RNF216: variants seen among roughly 807,000 people sequenced by gnomAD.
The protein encoded by RNF216 is E3 ubiquitin-protein ligase RNF216.
In RNF216, 72 loss-of-function variants were observed where a neutral mutation model predicts 110.8. The observed-to-expected ratio is 0.65, with a 90% CI of 0.54 to 0.79. RNF216 has a LOEUF of 0.79. RNF216 is among the 30% of genes least tolerant of loss of function. RNF216 has a pLI of 0.00. For synonymous variants in RNF216, 495 were observed against 407.5 expected, an observed-to-expected ratio of 1.21 and a Z score of -2.59; for missense variants, 1,342 against 1,141.2, an observed-to-expected ratio of 1.18 and a Z score of -2.54.
chr7:5,655,470 T>C (rs955477489), intron 13 of RNF216, among the ~76,000 whole-genome samples: 4 of 152,032 alleles, frequency 2.6e-5, no homozygotes, highest in Admixed American at 2.0e-4. Flanking sequence ...TGGTGGCAAA[T>C]GCCTGTAATC....
chr7:5,672,774 T>C (rs1450928094), intron 13 of RNF216, among the ~76,000 whole-genome samples: 1 of 151,754 alleles, frequency 6.6e-6, no homozygotes, highest in Non-Finnish European at 1.5e-5. Context: ...AGGTAGAGGA[T>C]GGATATGAGG....
At chr7:5,735,367 G>T (rs190244259) in intron 5 of RNF216, among the ~76,000 whole-genome samples, 3 of 152,164 alleles carry the variant, frequency 2.0e-5, no homozygotes, top group East Asian at 3.9e-4. Flanking sequence ...AGGAAGAACA[G>T]AATATGATTC....
Position 5,738,208 on chromosome 7 carries a change from G to A in RNF216, c.1121+1068C>T, listed in dbSNP as rs143368414. Among the ~76,000 whole-genome samples the A allele has an allele frequency of 2.4e-3, 364 of 150,046 alleles. 1 individual carries two copies. The highest frequency in any genetic ancestry group is 7.5e-3 in the African/African-American group (303 of 40,226). On this transcript the variant is annotated intron_variant, in intron 5 of 16. Transcript: ENST00000389902. ...TCAGGAAAACTTATTTTTTAAAAAA[G>A]CATATTTACCACTTATAAAAAATTT... is the stretch of plus-strand genomic sequence containing the variant.
intron 13 of RNF216, among the ~76,000 whole-genome samples, chr7:5,673,530 G>A (rs1204921264): frequency 6.6e-6 from 1 of 152,240 alleles, no homozygotes; most frequent in Non-Finnish European, 1.5e-5. Flanking sequence ...CCTGTCACGT[G>A]GGGCAGTATG....
At chr7:5,648,446 C>T (rs1269406217) in intron 14 of RNF216, among the ~76,000 whole-genome samples, 1 of 151,190 alleles carries the variant, frequency 6.6e-6, no homozygotes, top group African/African-American at 2.4e-5. Context: ...AAGGGACAGG[C>T]CAGGCACGGT....
At chr7:5,626,670 T>TA (rs71547783) in intron 15 of RNF216, among the ~76,000 whole-genome samples, 7,311 of 140,944 alleles carry the variant, frequency 0.052, 251 homozygotes, top group Non-Finnish European at 0.068. Context: ...AAACTTGTGT[T>TA]AAAAAAAAAA....
chr7:5,646,397 A>G (rs1788050486), intron 14 of RNF216, among the ~76,000 whole-genome samples: 1 of 151,814 alleles, frequency 6.6e-6, no homozygotes, highest in African/African-American at 2.4e-5. Context: ...ACAAAACAAA[A>G]GGAAAAAAAA....
intron 13 of RNF216, among the ~76,000 whole-genome samples, chr7:5,708,986 C>A (rs1320291592): frequency 2.6e-5 from 4 of 152,176 alleles, no homozygotes; most frequent in Admixed American, 6.5e-5. Flanking sequence ...CTCAGCAGCC[C>A]CCAGGGACCT....
intron 13 of RNF216, among the ~76,000 whole-genome samples, chr7:5,678,840 G>A (rs187864084): frequency 6.6e-6 from 1 of 152,216 alleles, no homozygotes; most frequent in Admixed American, 6.5e-5. Context: ...GAGCTGGACT[G>A]GATAAATTAA....
At chr7:5,677,194 A>T (rs1790352960) in intron 13 of RNF216, among the ~76,000 whole-genome samples, 1 of 152,256 alleles carries the variant, frequency 6.6e-6, no homozygotes, top group African/African-American at 2.4e-5. Context: ...ATTTTAGAGC[A>T]AACACATGTG....
intron 1 of RNF216, chr7:5,777,552 C>G (rs2128686548): frequency 6.6e-6 from 1 of 152,284 alleles, no homozygotes; most frequent in African/African-American, 2.4e-5. Context: ...CTGTGTATGT[C>G]ACTGGCCATC....
chr7:5,659,265 T>A (rs1788947175), intron 13 of RNF216, among the ~76,000 whole-genome samples: 1 of 152,210 alleles, frequency 6.6e-6, no homozygotes, highest in Non-Finnish European at 1.5e-5. Flanking sequence ...AATAAACAAG[T>A]TAGGCTCAGT....
At chr7:5,732,715 C>A (rs1584532055) in intron 5 of RNF216, among the ~76,000 whole-genome samples, 1 of 152,162 alleles carries the variant, frequency 6.6e-6, no homozygotes. Context: ...CAAGTGGTAG[C>A]CTCTGTTCTA....
intron 13 of RNF216, among the ~76,000 whole-genome samples, chr7:5,682,352 G>C (rs1474093003): frequency 6.6e-6 from 1 of 151,822 alleles, no homozygotes; most frequent in Non-Finnish European, 1.5e-5. Context: ...TTACTACTTA[G>C]CTTGGAGCAG....
intron 1 of RNF216, among the ~76,000 whole-genome samples, chr7:5,779,135 C>T (rs1003111299): frequency 2.0e-5 from 3 of 152,158 alleles, no homozygotes; most frequent in African/African-American, 4.8e-5. Flanking sequence ...TATAGCAATG[C>T]CTAGAATTTT....
intron 14 of RNF216, among the ~76,000 whole-genome samples, chr7:5,652,134 G>T (rs1239048517): frequency 6.6e-6 from 1 of 152,088 alleles, no homozygotes; most frequent in African/African-American, 2.4e-5. Flanking sequence ...ATTAAAACGC[G>T]TTACTTGCTT....
chr7:5,687,451 G>A (rs973701567), intron 13 of RNF216, among the ~76,000 whole-genome samples: 2 of 151,248 alleles, frequency 1.3e-5, no homozygotes, highest in African/African-American at 2.4e-5. Context: ...AAATTAAGGG[G>A]ACATGATGTG....
intron 9 of RNF216, among the ~76,000 whole-genome samples, chr7:5,717,151 C>T (rs56129235): frequency 3.3e-5 from 5 of 152,074 alleles, no homozygotes; most frequent in African/African-American, 1.2e-4. Context: ...ATCAGGAGTT[C>T]GAGACCAGCC....
At chr7:5,761,752 C>T (rs1346007399) in intron 1 of RNF216, among the ~76,000 whole-genome samples, 2 of 151,322 alleles carry the variant, frequency 1.3e-5, no homozygotes, top group Non-Finnish European at 2.9e-5. Context: ...TGGCACTGCA[C>T]TCCAGCCTGG....
Sources: gnomAD v4.1 joint callset for allele counts (sites outside exome capture counted in the v4.1 genomes callset) on GRCh38, gnomAD v4.1.1 for gene constraint, MANE v1.5 for transcripts, NCBI Gene and HGNC (gene_info 2026-07-23, HGNC 2026-07-21) for gene names.